ACYP2: variants seen among roughly 807,000 people sequenced by gnomAD.
ACYP2 encodes the protein acylphosphatase-2.
A neutral mutation model predicts 11.2 loss-of-function variants in ACYP2; 12 were observed. The ratio of observed to expected loss-of-function variants is 1.08; its 90% CI spans 0.69 to 1.74. The LOEUF is 1.74. Among genes scored for constraint, ACYP2 ranks in the 40% most tolerant of loss-of-function variants. ACYP2 has a pLI of 0.00. For missense variants in ACYP2, 134 were observed against 101.9 expected, an observed-to-expected ratio of 1.31 and a Z score of -1.35; for synonymous variants, 43 against 32.2, an observed-to-expected ratio of 1.33 and a Z score of -1.13.
At chr2:54,256,193 G>C (rs765017504) in intron 6 of ACYP2, 1 of 1,553,792 alleles carries the variant, frequency 6.4e-7, no homozygotes, top group African/African-American at 1.4e-5. Flanking sequence ...GGCCAGGCCA[G>C]AGGTAGGTAG....
intron 6 of ACYP2, among the ~76,000 whole-genome samples, chr2:54,140,538 A>ACACACACTTG (rs1681547284): frequency 1.3e-5 from 2 of 151,426 alleles, no homozygotes; most frequent in African/African-American, 4.9e-5. Context: ...TCACACACAC[A>ACACACACTTG]CACACACACA....
intron 6 of ACYP2, among the ~76,000 whole-genome samples, chr2:54,173,481 G>A (rs4328670): frequency 0.12 from 18,286 of 151,952 alleles, 2,536 homozygotes; most frequent in African/African-American, 0.34. Context: ...ATTTTCTCCC[G>A]TTCTGTAGGT....
chr2:53,990,234 C>T (rs1159987278), intron 2 of ACYP2, among the ~76,000 whole-genome samples: 3 of 152,098 alleles, frequency 2.0e-5, no homozygotes, highest in African/African-American at 7.2e-5. Context: ...CCGCCTCGGC[C>T]TCTCAAAGTG....
At chr2:53,996,007 G>A (rs1672556116) in intron 2 of ACYP2, among the ~76,000 whole-genome samples, 2 of 151,960 alleles carry the variant, frequency 1.3e-5, no homozygotes, top group Admixed American at 6.6e-5. Flanking sequence ...GGTGGTGGAT[G>A]TCTGTAATCC....
chr2:54,280,774 G>A (rs757752326), intron 6 of ACYP2, among the ~76,000 whole-genome samples: 6 of 152,224 alleles, frequency 3.9e-5, no homozygotes, highest in Non-Finnish European at 7.4e-5. Context: ...AGAAGAGTAA[G>A]TGTGAACTTG....
intron 6 of ACYP2, among the ~76,000 whole-genome samples, chr2:54,158,692 A>G (rs1001849167): frequency 1.3e-5 from 2 of 152,190 alleles, no homozygotes; most frequent in African/African-American, 4.8e-5. Context: ...TTCACTTTTA[A>G]TTATAAAAAT....
intron 4 of ACYP2, among the ~76,000 whole-genome samples, chr2:54,104,562 C>T (rs747810883): frequency 5.7e-4 from 87 of 152,122 alleles, no homozygotes; most frequent in Non-Finnish European, 7.1e-4. Flanking sequence ...ACTCTGGAGC[C>T]TGAGTGATAC....
intron 4 of ACYP2, among the ~76,000 whole-genome samples, chr2:54,080,770 G>A (rs1376603956): frequency 6.6e-6 from 1 of 151,804 alleles, no homozygotes; most frequent in East Asian, 1.9e-4. Context: ...TTACAGGCAT[G>A]AGCCACCGTG....
chr2:54,115,738 G>C (rs1238927746), intron 4 of ACYP2: 1 of 1,612,980 alleles, frequency 6.2e-7, no homozygotes, highest in Admixed American at 1.7e-5. Context: ...GGACTACGAG[G>C]TGTTCGGAAG....
intron 6 of ACYP2, among the ~76,000 whole-genome samples, chr2:54,201,248 G>T (rs949395259): frequency 1.3e-5 from 2 of 151,956 alleles, no homozygotes; most frequent in African/African-American, 2.4e-5. Flanking sequence ...AGGGACCATA[G>T]GCGCCCGCCA....
At chr2:54,260,720 G>T (rs1687741193) in intron 6 of ACYP2, among the ~76,000 whole-genome samples, 1 of 152,138 alleles carries the variant, frequency 6.6e-6, no homozygotes, top group South Asian at 2.1e-4. Flanking sequence ...TCCCATTCAT[G>T]AATCCAAGGT....
At chr2:54,184,175 G>A (rs1483297462) in intron 6 of ACYP2, among the ~76,000 whole-genome samples, 7 of 152,066 alleles carry the variant, frequency 4.6e-5, no homozygotes, top group Non-Finnish European at 8.8e-5. Context: ...CCAAGGCCAC[G>A]GTAATACAAC....
intron 2 of ACYP2, among the ~76,000 whole-genome samples, chr2:54,030,284 C>G (rs369402869): frequency 6.6e-6 from 1 of 152,160 alleles, no homozygotes; most frequent in Non-Finnish European, 1.5e-5. Context: ...AAACAGCTGC[C>G]TCTGTTACCT....
At chr2:54,132,937 T>G (rs1280774533) in intron 4 of ACYP2, among the ~76,000 whole-genome samples, 1 of 152,052 alleles carries the variant, frequency 6.6e-6, no homozygotes, top group African/African-American at 2.4e-5. Flanking sequence ...TGAGATGGGA[T>G]TTCACCATAT....
At chr2:54,230,834 T>C (rs531073852) in intron 6 of ACYP2, among the ~76,000 whole-genome samples, 13 of 145,980 alleles carry the variant, frequency 8.9e-5, no homozygotes, top group South Asian at 2.1e-4. Flanking sequence ...CTTTTCTTTT[T>C]TTTTTTTTTT....
intron 2 of ACYP2, among the ~76,000 whole-genome samples, chr2:54,037,296 GT>G (rs1674954639): frequency 6.6e-6 from 1 of 151,772 alleles, no homozygotes; most frequent in Non-Finnish European, 1.5e-5. Flanking sequence ...TGTATTTTTG[GT>G]AGAGACGGAG....
chr2:54,170,405 C>T (rs575936437), intron 6 of ACYP2, among the ~76,000 whole-genome samples: 6 of 152,110 alleles, frequency 3.9e-5, no homozygotes, highest in South Asian at 4.2e-4. Flanking sequence ...TGCCTGCCTC[C>T]GCCTCCCAAA....
intron 2 of ACYP2, among the ~76,000 whole-genome samples, chr2:53,979,326 C>A (rs2884254): frequency 0.54 from 82,474 of 151,776 alleles, 22,692 homozygotes; most frequent in East Asian, 0.71. Flanking sequence ...AATAGAAAAG[C>A]ACATAAAAAA....
chr2:54,200,435 A>C (rs1684706369), intron 6 of ACYP2, among the ~76,000 whole-genome samples: 1 of 152,154 alleles, frequency 6.6e-6, no homozygotes, highest in African/African-American at 2.4e-5. Context: ...TCTACCCTCA[A>C]ACCCTGGCAA....
Sources: gnomAD v4.1 joint callset for allele counts (sites outside exome capture counted in the v4.1 genomes callset) on GRCh38, gnomAD v4.1.1 for gene constraint, MANE v1.5 for transcripts, NCBI Gene and HGNC (gene_info 2026-07-23, HGNC 2026-07-21) for gene names.